FN1: variants seen among roughly 807,000 people sequenced by gnomAD.
FN1 encodes the protein fibronectin.
FN1 carries 106 observed loss-of-function variants against 297.3 expected under a neutral mutation model. That is an observed-to-expected ratio of 0.36 (90% CI 0.30 to 0.42). The LOEUF (loss-of-function observed/expected upper bound fraction) is 0.42, where lower values mean the gene tolerates loss of function less well. Among genes scored for constraint, FN1 ranks in the 10% least tolerant of loss-of-function variants. FN1 has a pLI of 1.00. For synonymous variants in FN1, 1,149 were observed against 1,152.6 expected, an observed-to-expected ratio of 1.00 and a Z score of 0.06; for missense variants, 2,690 against 3,124.9, an observed-to-expected ratio of 0.86 and a Z score of 3.32.
In FN1 at chr2:215,362,023, A is replaced by C. The variant is rs1232134807; in HGVS notation, c.7308T>G (p.Thr2436=). Residue 2436 remains threonine (T), a synonymous_variant, in exon 45 of 46, where the codon ACT becomes ACG. Transcript: ENST00000354785. ...RPGGEPSPEG[T]TGQSYNQYSQ... ...AATACTGGTTGTAGGACTGGCCAGT[A>C]GTGCCTTCGGGACTGGGTTCACCCC... is the stretch of plus-strand genomic sequence containing the variant. 1.2e-6 allele frequency: 2 copies of C among 1,614,040 alleles called. No homozygotes were observed. The highest frequency in any genetic ancestry group is 1.3e-5 in the African/African-American group (1 of 74,930).
At chr2:215,366,684 G>A (rs1031132915) in intron 42 of FN1, among the ~76,000 whole-genome samples, 16 of 152,106 alleles carry the variant, frequency 1.1e-4, no homozygotes, top group African/African-American at 3.6e-4. Context: ...CCTGCCTTAA[G>A]CTACAAAGTA....
chr2:215,390,124 T>C (rs2059546069), intron 26 of FN1, among the ~76,000 whole-genome samples: 2 of 152,190 alleles, frequency 1.3e-5, no homozygotes, highest in Admixed American at 6.5e-5. Context: ...ATTTCCACCA[T>C]ACTAGCTGGC....
intron 26 of FN1, among the ~76,000 whole-genome samples, chr2:215,390,197 T>G (rs2059558857): frequency 6.6e-6 from 1 of 152,178 alleles, no homozygotes; most frequent in African/African-American, 2.4e-5. Flanking sequence ...TTTGTTTATT[T>G]TTTTGAGACA....
chr2:215,426,273 C>T (rs1018027587), intron 6 of FN1, among the ~76,000 whole-genome samples: 11 of 151,134 alleles, frequency 7.3e-5, no homozygotes, highest in African/African-American at 2.4e-4. Context: ...CTCAGCCTCC[C>T]GAGTAGCTGG....
At chr2:215,370,968 A>G (rs2055908047) in intron 40 of FN1, among the ~76,000 whole-genome samples, 1 of 152,168 alleles carries the variant, frequency 6.6e-6, no homozygotes, top group Non-Finnish European at 1.5e-5. Context: ...CACAATAAAA[A>G]TTGATACTGT....
At chr2:215,410,167 G>A in intron 13 of FN1, 53 bp from the exon 14 acceptor site, 1 of 1,512,814 alleles carries the variant, frequency 6.6e-7, no homozygotes, top group Non-Finnish European at 9.0e-7. Context: ...TTACAAGGAT[G>A]AACATTTGAA....
chr2:215,396,685 T>A (rs974944686), intron 23 of FN1, among the ~76,000 whole-genome samples: 1 of 152,208 alleles, frequency 6.6e-6, no homozygotes, highest in Non-Finnish European at 1.5e-5. Flanking sequence ...AAAATGAAGG[T>A]ATTTCTGCCT....
rs1239187657 is a variant in FN1 at position 215,386,912 on chromosome 2, G to A, written c.4389C>T (p.Asn1463=). ...GAGCAATCCAGTGCACAGTAAAAGA[G>A]TTGGCAGTAATATCAGAAAAGTCAA... ...TGIDFSDITA[N]SFTVHWIAPR... Residue 1463 remains asparagine (N), a synonymous_variant, in exon 28 of 46, where the codon AAC becomes AAT. Transcript: ENST00000354785. The A allele has an allele frequency of 1.2e-6, 2 of 1,613,114 alleles. No homozygotes were observed. Among genetic ancestry groups the A allele is most frequent in the Admixed American group, 1.7e-5 (1 of 59,906 alleles).
In FN1 at chr2:215,386,905, T is replaced by C; in HGVS notation, c.4396A>G (p.Thr1466Ala). ...DFSDITANSFTVHWIAPRATI... is the reference protein window; with the variant it reads ...DFSDITANSFAVHWIAPRATI... ...GCTCGAGGAGCAATCCAGTGCACAG[T>C]AAAAGAGTTGGCAGTAATATCAGAA... is the stretch of plus-strand genomic sequence containing the variant. Residue 1466 changes from threonine to alanine, a missense_variant, in exon 28 of 46, where the codon ACT becomes GCT. By Grantham distance (58) the Thr-to-Ala change is moderately conservative. Around this residue, in one of 3 missense-constraint regions of FN1, gnomAD observed 1,743 missense variants for 1,945.2 expected, o/e 0.90. Coordinates refer to ENST00000354785, the MANE Select transcript of FN1 (RefSeq NM_212482.4). The C allele has an allele frequency of 6.2e-7, 1 of 1,612,662 alleles. No homozygotes were observed. Among genetic ancestry groups the C allele is most frequent in the Non-Finnish European group, 8.5e-7 (1 of 1,179,672 alleles).
At chr2:215,419,419 T>A in intron 11 of FN1, 34 bp from the exon 12 acceptor site, 2 of 1,584,062 alleles carry the variant, frequency 1.3e-6, no homozygotes, top group Non-Finnish European at 1.7e-6. Context: ...TAAACAGCCT[T>A]GAAGACTTAT....
At chr2:215,412,028 A>C (rs1050225237) in intron 13 of FN1, among the ~76,000 whole-genome samples, 2 of 152,128 alleles carry the variant, frequency 1.3e-5, no homozygotes, top group African/African-American at 4.8e-5. Flanking sequence ...AATACTTTGG[A>C]TATCCTTAAT....
rs72943926 is a variant in FN1, at chr2:215,414,600, T to C, written c.1941+237A>G. ...TTCTGTAACATAAAGAGCTAAATTC[T>C]TCCAAATACCAGCCCCCCCACCGCA... On this transcript the variant is annotated intron_variant, in intron 13 of 45. Transcript: ENST00000354785. 7.8e-4 allele frequency: 755 copies of C among 966,612 alleles called. 2 individuals carry two copies. Among genetic ancestry groups the C allele is most frequent in the Non-Finnish European group, 9.5e-4 (675 of 712,356 alleles). 59.9% of individuals were successfully genotyped at this position (966,612 alleles called of 1,614,324 possible).
chr2:215,381,698 TCCTGA>T (rs1225497108), intron 32 of FN1: 1 of 210,850 alleles, frequency 4.7e-6, no homozygotes, highest in African/African-American at 2.4e-5. Context: ...GGTCTCGAAC[TCCTGA>T]CCTCGTGATC....
intron 12 of FN1, among the ~76,000 whole-genome samples, chr2:215,416,986 G>A (rs2063515299): frequency 1.3e-5 from 2 of 152,096 alleles, no homozygotes; most frequent in Non-Finnish European, 2.9e-5. Flanking sequence ...ATGGAATTTA[G>A]CATGTTTTTG....
At chr2:215,383,993 G>C in intron 30 of FN1, 27 bp downstream of exon 30, 1 of 1,611,644 alleles carries the variant, frequency 6.2e-7, no homozygotes, top group South Asian at 1.1e-5. Flanking sequence ...GTAAAAGCTG[G>C]TGTCACCCCA....
At chr2:215,433,261 T>C in intron 3 of FN1, 63 bp downstream of exon 3, 4 of 1,591,266 alleles carry the variant, frequency 2.5e-6, no homozygotes, top group Non-Finnish European at 2.6e-6. Flanking sequence ...AAAATGACAG[T>C]GATGGTAACA....
chr2:215,396,019 G>A (rs2060269824), intron 23 of FN1, among the ~76,000 whole-genome samples: 1 of 152,196 alleles, frequency 6.6e-6, no homozygotes, highest in African/African-American at 2.4e-5. Context: ...ACTTCAGAGG[G>A]AGATTAAAAG....
At chr2:215,376,367 G>T in intron 36 of FN1, 131 bp downstream of exon 36, 2 of 823,888 alleles carry the variant, frequency 2.4e-6, no homozygotes, top group East Asian at 2.6e-5. Context: ...TGAAAATAAC[G>T]TTCTAAAACT....
chr2:215,430,075 T>C (rs1003863725), intron 5 of FN1, among the ~76,000 whole-genome samples: 1 of 152,264 alleles, frequency 6.6e-6, no homozygotes, highest in African/African-American at 2.4e-5. Flanking sequence ...ATGATGGCTA[T>C]GTTAAAGGTA....
Sources: allele counts gnomAD v4.1 joint callset (sites outside exome capture counted in the v4.1 genomes callset), GRCh38; gene constraint gnomAD v4.1.1; regional missense constraint gnomAD v4.1.1; transcripts MANE v1.5; gene names NCBI Gene and HGNC (gene_info 2026-07-23, HGNC 2026-07-21).